TMEM108: variants seen among roughly 807,000 people sequenced by gnomAD.
TMEM108 encodes the protein cancer/testis antigen 124.
A neutral mutation model predicts 35.1 loss-of-function variants in TMEM108; 12 were observed. The ratio of observed to expected loss-of-function variants is 0.34; its 90% CI spans 0.22 to 0.55. The LOEUF (loss-of-function observed/expected upper bound fraction) is 0.55, where lower values mean the gene tolerates loss of function less well. TMEM108 is among the 20% of genes least tolerant of loss of function. The pLI, the probability that TMEM108 is intolerant of heterozygous loss-of-function variation, is 0.89. For missense variants in TMEM108, 680 were observed against 753.3 expected, an observed-to-expected ratio of 0.90 and a Z score of 1.14; for synonymous variants, 287 against 308.6, an observed-to-expected ratio of 0.93 and a Z score of 0.73.
At chr3:133,386,770 ACC>A in intron 4 of TMEM108, 1 of 1,111,646 alleles carries the variant, frequency 9.0e-7, no homozygotes, top group Non-Finnish European at 1.1e-6. Flanking sequence ...TCATCTCTAT[ACC>A]CTCCGGTGTT....
chr3:133,126,688 C>T (rs1470165096), intron 2 of TMEM108, among the ~76,000 whole-genome samples: 1 of 152,068 alleles, frequency 6.6e-6, no homozygotes, highest in Non-Finnish European at 1.5e-5. Context: ...ATTATTTCAA[C>T]ATGTACAGTT....
intron 2 of TMEM108, among the ~76,000 whole-genome samples, chr3:133,096,342 G>A (rs1434222164): frequency 1.3e-5 from 2 of 152,114 alleles, no homozygotes; most frequent in Non-Finnish European, 2.9e-5. Flanking sequence ...AAAAATTTTT[G>A]TAGAGATGGG....
chr3:133,205,265 A>G lies in TMEM108; in HGVS notation c.-46-24001A>G, dbSNP rs947956446. Reference sequence around the variant, plus strand: ...TGGTCTTGACTCTATCCAATTTGCCAGTCTGTGTCTTTTAATTGGGGCATT... The same window carrying G: ...TGGTCTTGACTCTATCCAATTTGCCGGTCTGTGTCTTTTAATTGGGGCATT... On this transcript the variant is annotated intron_variant, in intron 2 of 5. Coordinates refer to ENST00000321871, the MANE Select transcript of TMEM108 (RefSeq NM_023943.4). Among the ~76,000 whole-genome samples, 9 of 152,052 alleles carry G rather than the reference A, an allele frequency of 5.9e-5. No individual in the cohort carries two copies. In the East Asian group the frequency reaches 1.7e-3, roughly 29 times the overall value.
intron 3 of TMEM108, among the ~76,000 whole-genome samples, chr3:133,308,634 T>A (rs56232365): frequency 6.6e-6 from 1 of 152,076 alleles, no homozygotes; most frequent in Non-Finnish European, 1.5e-5. Context: ...GGTTTTTGTC[T>A]TTGGTTCTGT....
intron 3 of TMEM108, among the ~76,000 whole-genome samples, chr3:133,307,443 G>A (rs1359795731): frequency 6.6e-6 from 1 of 152,078 alleles, no homozygotes; most frequent in African/African-American, 2.4e-5. Flanking sequence ...TGAAGTCCTT[G>A]CCCATGCCTG....
At chr3:133,081,270 A>T (rs1270241238) in intron 2 of TMEM108, among the ~76,000 whole-genome samples, 1 of 152,220 alleles carries the variant, frequency 6.6e-6, no homozygotes, top group Non-Finnish European at 1.5e-5. Context: ...TCAGGGTACC[A>T]GTATGGTCAG....
At chr3:133,318,735 G>C (rs1329134613) in intron 3 of TMEM108, among the ~76,000 whole-genome samples, 1 of 152,136 alleles carries the variant, frequency 6.6e-6, no homozygotes, top group African/African-American at 2.4e-5. Flanking sequence ...ACTTAAGAGG[G>C]GGAGTTCTGG....
intron 2 of TMEM108, among the ~76,000 whole-genome samples, chr3:133,073,457 T>C (rs1261407182): frequency 6.8e-6 from 1 of 146,474 alleles, no homozygotes; most frequent in Non-Finnish European, 1.5e-5. Flanking sequence ...TTCTCTTTTT[T>C]TTTTTTTAAG....
chr3:133,068,083 A>G lies in TMEM108; in HGVS notation c.-47+22063A>G, dbSNP rs146116177. On this transcript the variant is annotated intron_variant, in intron 2 of 5. Transcript: ENST00000321871. ...CCAATCCCTGAGATGTAACATTAAT[A>G]TATTAATGTTATATAATATATTAAT... Among the ~76,000 whole-genome samples, 181 of 145,034 alleles carry G rather than the reference A, an allele frequency of 1.2e-3. 2 individuals are homozygous for G. In the East Asian group the frequency reaches 0.023, roughly 19 times the overall value.
chr3:133,350,474 G>A (rs1359382169), intron 3 of TMEM108, among the ~76,000 whole-genome samples: 3 of 152,096 alleles, frequency 2.0e-5, no homozygotes, highest in Admixed American at 1.3e-4. Flanking sequence ...AATGCATGAG[G>A]TAATAGATAT....
intron 2 of TMEM108, among the ~76,000 whole-genome samples, chr3:133,128,504 T>C (rs1440655927): frequency 2.0e-5 from 3 of 152,178 alleles, no homozygotes; most frequent in African/African-American, 7.2e-5. Flanking sequence ...GGAAAGAGGA[T>C]CTTTATTGCC....
At chr3:133,094,729 G>T (rs376230043) in intron 2 of TMEM108, among the ~76,000 whole-genome samples, 3 of 152,122 alleles carry the variant, frequency 2.0e-5, no homozygotes, top group East Asian at 3.9e-4. Flanking sequence ...CCTTCAACAC[G>T]CAGGTTAAAT....
intron 2 of TMEM108, among the ~76,000 whole-genome samples, chr3:133,101,201 G>A (rs932007228): frequency 6.6e-6 from 1 of 152,028 alleles, no homozygotes; most frequent in African/African-American, 2.4e-5. Context: ...GATTTTTTTG[G>A]GTGAAAGCTC....
chr3:133,216,241 A>T (rs1399610921), intron 2 of TMEM108, among the ~76,000 whole-genome samples: 1 of 152,096 alleles, frequency 6.6e-6, no homozygotes, highest in East Asian at 1.9e-4. Flanking sequence ...TGAAATTGAG[A>T]AGTATTCCTT....
chr3:133,136,473 C>T (rs185417357), intron 2 of TMEM108, among the ~76,000 whole-genome samples: 1 of 152,346 alleles, frequency 6.6e-6, no homozygotes, highest in East Asian at 1.9e-4. Context: ...GGCCTGTAAG[C>T]CCAGACTAGG....
intron 3 of TMEM108, among the ~76,000 whole-genome samples, chr3:133,232,024 C>T (rs1576398908): frequency 6.6e-6 from 1 of 152,118 alleles, no homozygotes; most frequent in African/African-American, 2.4e-5. Flanking sequence ...TGGTGCCCTA[C>T]CACACACAGG....
At chr3:133,073,353 C>T (rs1943697977) in intron 2 of TMEM108, among the ~76,000 whole-genome samples, 1 of 151,396 alleles carries the variant, frequency 6.6e-6, no homozygotes, top group African/African-American at 2.4e-5. Flanking sequence ...TTATAGATTC[C>T]ACAGGTAAGT....
At chr3:133,157,331 A>G (rs996047293) in intron 2 of TMEM108, among the ~76,000 whole-genome samples, 3 of 152,194 alleles carry the variant, frequency 2.0e-5, no homozygotes, top group African/African-American at 7.2e-5. Context: ...AATTGGAGGG[A>G]AAAGTTACTG....
intron 3 of TMEM108, among the ~76,000 whole-genome samples, chr3:133,276,040 A>G (rs1946834370): frequency 6.6e-6 from 1 of 152,204 alleles, no homozygotes; most frequent in Non-Finnish European, 1.5e-5. Flanking sequence ...TAGTAGTGGT[A>G]ATTGTCTCCA....
Sources: gnomAD v4.1 joint callset for allele counts (sites outside exome capture counted in the v4.1 genomes callset) on GRCh38, gnomAD v4.1.1 for gene constraint, MANE v1.5 for transcripts, NCBI Gene and HGNC (gene_info 2026-07-23, HGNC 2026-07-21) for gene names.